The following XPR1 variants were observed in gnomAD, a reference collection of about 807,000 sequenced individuals.
XPR1 encodes the protein solute carrier family 53 member 1.
In XPR1, 28 loss-of-function variants were observed where a neutral mutation model predicts 87.5. The observed-to-expected ratio is 0.32, with a 90% CI of 0.24 to 0.44. The LOEUF (loss-of-function observed/expected upper bound fraction) is 0.44, where lower values mean the gene tolerates loss of function less well. Among genes scored for constraint, XPR1 ranks in the 20% least tolerant of loss-of-function variants. The pLI, the probability that XPR1 is intolerant of heterozygous loss-of-function variation, is 1.00. For missense variants in XPR1, 559 were observed against 862.3 expected, an observed-to-expected ratio of 0.65 and a Z score of 4.41; for synonymous variants, 300 against 306.1, an observed-to-expected ratio of 0.98 and a Z score of 0.21.
intron 1 of XPR1, among the ~76,000 whole-genome samples, chr1:180,655,531 G>C (rs1655426964): frequency 6.6e-6 from 1 of 151,564 alleles, no homozygotes; most frequent in Non-Finnish European, 1.5e-5. Flanking sequence ...CTCCTGAGTA[G>C]CTGGGACTAT....
intron 1 of XPR1, among the ~76,000 whole-genome samples, chr1:180,666,918 CTT>C (rs779609945): frequency 6.9e-6 from 1 of 144,116 alleles, no homozygotes. Context: ...CATTTTCAGT[CTT>C]TTTTTTTTTT....
At chr1:180,712,254 A>G (rs898482458) in intron 2 of XPR1, among the ~76,000 whole-genome samples, 1 of 152,228 alleles carries the variant, frequency 6.6e-6, no homozygotes, top group Non-Finnish European at 1.5e-5. Context: ...CTGAAGTACC[A>G]TGATAGCCTG....
At chr1:180,694,058 G>A (rs186738302) in intron 2 of XPR1, among the ~76,000 whole-genome samples, 15 of 152,232 alleles carry the variant, frequency 9.9e-5, no homozygotes, top group Middle Eastern at 3.4e-3. Flanking sequence ...CCGGAGCTCA[G>A]TAGACTGTCC....
intron 2 of XPR1, among the ~76,000 whole-genome samples, chr1:180,726,497 A>G (rs1658352522): frequency 6.6e-6 from 1 of 152,212 alleles, no homozygotes; most frequent in Admixed American, 6.5e-5. Flanking sequence ...CCAGCTGCGG[A>G]AACTCCGGAC....
intron 1 of XPR1, among the ~76,000 whole-genome samples, chr1:180,639,667 G>A (rs1037297338): frequency 6.6e-6 from 1 of 152,156 alleles, no homozygotes; most frequent in Non-Finnish European, 1.5e-5. Flanking sequence ...TAATCCATGT[G>A]CTTTGTGGGC....
In XPR1 at chr1:180,824,902, C is replaced by A; in HGVS notation, c.913C>A (p.Leu305Ile). 1 of 1,613,880 alleles carries A rather than the reference C, an allele frequency of 6.2e-7. No individual in the cohort carries two copies. The change falls in exon 8 of 15, where the codon CTT becomes ATT. Residue 305 changes from leucine to isoleucine, a missense_variant. By Grantham distance (5) the Leu-to-Ile change is conservative. Around this residue, in one of 7 missense-constraint regions of XPR1, gnomAD observed 264 missense variants for 377.2 expected, o/e 0.70. Coordinates refer to ENST00000367590, the MANE Select transcript of XPR1 (RefSeq NM_004736.4). The part of the protein sequence containing the change: ...AGVNHVLIFE[L>I]NPRSNLSHQH... ...AGTAAACCATGTACTCATCTTTGAACTTAATCCGAGAAGCAATTTGTCTCA... is the reference window on the plus strand; with the variant it reads ...AGTAAACCATGTACTCATCTTTGAAATTAATCCGAGAAGCAATTTGTCTCA...
intron 7 of XPR1, among the ~76,000 whole-genome samples, chr1:180,821,393 T>C (rs1163383138): frequency 6.6e-6 from 1 of 152,236 alleles, no homozygotes; most frequent in Non-Finnish European, 1.5e-5. Context: ...TTCTCAGTGC[T>C]ATTCCATTCA....
At chr1:180,818,070 T>G (rs1444986619) in intron 7 of XPR1, among the ~76,000 whole-genome samples, 1 of 152,148 alleles carries the variant, frequency 6.6e-6, no homozygotes, top group Non-Finnish European at 1.5e-5. Context: ...TGATTTGTTT[T>G]TTAAAAAATA....
intron 2 of XPR1, among the ~76,000 whole-genome samples, chr1:180,701,554 C>G (rs1342842319): frequency 2.1e-5 from 3 of 140,428 alleles, no homozygotes; most frequent in African/African-American, 8.9e-5. Context: ...GCCTTGCATC[C>G]CAGGGATGAA....
intron 14 of XPR1, among the ~76,000 whole-genome samples, chr1:180,880,629 T>C (rs1436954528): frequency 6.6e-6 from 1 of 152,232 alleles, no homozygotes; most frequent in Non-Finnish European, 1.5e-5. Flanking sequence ...TTATAAACTT[T>C]AGGAATCCTG....
chr1:180,765,202 G>A (rs1484478213), intron 2 of XPR1, among the ~76,000 whole-genome samples: 1 of 152,202 alleles, frequency 6.6e-6, no homozygotes, highest in Non-Finnish European at 1.5e-5. Context: ...TGACTTGTGT[G>A]AGTGCTCAGT....
In XPR1 at chr1:180,699,370, C is replaced by T. The variant is rs1188314205; in HGVS notation, c.121+16959C>T. Among the ~76,000 whole-genome samples, 217 of 107,656 alleles carry T rather than the reference C, an allele frequency of 2.0e-3. 1 individual carries two copies. The highest frequency in any genetic ancestry group is 2.5e-3 in the Admixed American group (26 of 10,416). 70.6% of individuals were successfully genotyped at this position (107,656 alleles called of 152,430 possible). A position where few individuals can be genotyped will look rare whatever the true frequency, so the allele number is the denominator to read the frequency against. On this transcript the variant is annotated intron_variant, in intron 2 of 14. Coordinates refer to ENST00000367590, the MANE Select transcript of XPR1 (RefSeq NM_004736.4). ...CCAATGCTATCCCTCCCCCCTCCCCCGACCCCACCACAGTCCCCAGAGTGT... is the reference window on the plus strand; with the variant it reads ...CCAATGCTATCCCTCCCCCCTCCCCTGACCCCACCACAGTCCCCAGAGTGT...
chr1:180,881,283 C>T (rs1227664966), intron 14 of XPR1, among the ~76,000 whole-genome samples: 1 of 152,078 alleles, frequency 6.6e-6, no homozygotes, highest in Non-Finnish European at 1.5e-5. Context: ...CCTGCCTCAG[C>T]CTCCCGAGTA....
In XPR1 at chr1:180,888,707, AAC is replaced by A. The variant is rs562587618; in HGVS notation, c.*4645_*4646del. ...GAGTGTTAAAGGTTTTCTAAATGCA[AAC>A]ACATACGTTTCTGCATTTCAGAAGT... On this transcript the variant is annotated 3_prime_UTR_variant, in exon 15 of 15. Coordinates refer to ENST00000367590, the MANE Select transcript of XPR1 (RefSeq NM_004736.4). 24 of 152,332 alleles carry A rather than the reference AAC, an allele frequency of 1.6e-4. No homozygotes were observed. Among genetic ancestry groups the A allele is most frequent in the African/African-American group, 5.8e-4 (24 of 41,580 alleles). The allele number at this position is 152,332 out of a possible 1,614,324, so 9.4% of individuals were successfully genotyped here. A position where few individuals can be genotyped will look rare whatever the true frequency, so the allele number is the denominator to read the frequency against.
rs570010010 is a variant in XPR1, at chr1:180,796,917, A to G, written c.224-6471A>G. On this transcript the variant is annotated intron_variant, in intron 3 of 14. Coordinates refer to ENST00000367590, the MANE Select transcript of XPR1 (RefSeq NM_004736.4). The stretch of plus-strand genomic sequence containing the variant: ...AAGTTAAAGAACCCAAACACAAAAG[A>G]TTATATATTGTATGATTCTTTTACA... 2.6e-5 allele frequency among the ~76,000 whole-genome samples: 4 copies of G among 152,260 alleles called. No homozygotes were observed. The East Asian group carries it at 7.7e-4, about 29-fold the overall frequency.
chr1:180,714,394 TCTCTCTC>T (rs1657915873), intron 2 of XPR1, among the ~76,000 whole-genome samples: 1 of 142,312 alleles, frequency 7.0e-6, no homozygotes, highest in Non-Finnish European at 1.5e-5. Flanking sequence ...TCTCTCTCTC[TCTCTCTC>T]TGTCGTCTGT....
chr1:180,747,841 G>T (rs1557987445), intron 2 of XPR1, among the ~76,000 whole-genome samples: 3 of 152,150 alleles, frequency 2.0e-5, no homozygotes, highest in Non-Finnish European at 2.9e-5. Context: ...CTCTATCAAG[G>T]TTTCTGTGGT....
At chr1:180,879,705 ATTGT>A (rs996956719) in intron 13 of XPR1, among the ~76,000 whole-genome samples, 52 of 152,216 alleles carry the variant, frequency 3.4e-4, no homozygotes, top group Admixed American at 2.0e-3. Flanking sequence ...TAGCCGATTG[ATTGT>A]TTACTTGCTC....
intron 2 of XPR1, among the ~76,000 whole-genome samples, chr1:180,738,530 T>C (rs752507911): frequency 1.3e-5 from 2 of 152,236 alleles, no homozygotes; most frequent in Non-Finnish European, 2.9e-5. Context: ...ACATAAAAAT[T>C]ACCCATTTAA....
Sources: gnomAD v4.1 joint callset for allele counts (sites outside exome capture counted in the v4.1 genomes callset) on GRCh38, gnomAD v4.1.1 for gene constraint, gnomAD v4.1.1 regional missense constraint, MANE v1.5 for transcripts, NCBI Gene and HGNC (gene_info 2026-07-23, HGNC 2026-07-21) for gene names.